LRMDA: variants seen among roughly 807,000 people sequenced by gnomAD.
LRMDA encodes leucine rich melanocyte differentiation associated.
LRMDA carries 18 observed loss-of-function variants against 29.8 expected under a neutral mutation model. The ratio of observed to expected loss-of-function variants is 0.60; its 90% CI spans 0.42 to 0.90. The LOEUF (loss-of-function observed/expected upper bound fraction) is 0.90, where lower values mean the gene tolerates loss of function less well. Ranked by LOEUF, LRMDA falls within the 40% of genes least tolerant of loss-of-function variation. The pLI is 0.00. For missense variants in LRMDA, 273 were observed against 273.9 expected (o/e 1.00, Z 0.02); for synonymous variants, 125 against 109.4 (o/e 1.14, Z -0.89).
At chr10:76,412,906 T>C (rs1489815064) in intron 6 of LRMDA, among the ~76,000 whole-genome samples, 1 of 152,072 alleles carries the variant, frequency 6.6e-6, no homozygotes, top group East Asian at 1.9e-4. Context: ...TGCTCTCCCT[T>C]CCTTCTCCAC....
chr10:75,798,630 C>T (rs778774802), intron 2 of LRMDA, among the ~76,000 whole-genome samples: 10 of 151,980 alleles, frequency 6.6e-5, no homozygotes, highest in South Asian at 4.2e-4. Context: ...CTATAATTTG[C>T]GCTGCATCCA....
At chr10:75,825,338 T>G (rs1177901145) in intron 2 of LRMDA, among the ~76,000 whole-genome samples, 2 of 152,200 alleles carry the variant, frequency 1.3e-5, no homozygotes, top group Non-Finnish European at 2.9e-5. Flanking sequence ...CAAAGCATAT[T>G]ACAGTGAATG....
rs565832983 is a variant in LRMDA, at chr10:76,259,930, A to G, written c.517-64471A>G. Reference sequence around the variant, plus strand: ...CTTTTGGTTTCTCTTTGTGTGGGATATCTTTTTCCATCCCTTCAGTTCAAG... The same window carrying G: ...CTTTTGGTTTCTCTTTGTGTGGGATGTCTTTTTCCATCCCTTCAGTTCAAG... On this transcript the variant is annotated intron_variant, in intron 5 of 6. Transcript: ENST00000611255. Among the ~76,000 whole-genome samples, 9 of 152,100 alleles carry G rather than the reference A, an allele frequency of 5.9e-5. No homozygotes were observed. In the South Asian group the frequency reaches 1.9e-3, roughly 32 times the overall value.
chr10:75,856,917 G>A (rs912723643), intron 2 of LRMDA, among the ~76,000 whole-genome samples: 1 of 152,164 alleles, frequency 6.6e-6, no homozygotes, highest in Non-Finnish European at 1.5e-5. Context: ...TGACATGATT[G>A]TATATTTAGA....
intron 2 of LRMDA, among the ~76,000 whole-genome samples, chr10:75,628,157 A>G (rs1841276631): frequency 6.6e-6 from 1 of 152,208 alleles, no homozygotes; most frequent in African/African-American, 2.4e-5. Flanking sequence ...TTTCTTATGT[A>G]TCTTTCCAAT....
chr10:75,826,804 G>T (rs1361340178), intron 2 of LRMDA, among the ~76,000 whole-genome samples: 1 of 152,086 alleles, frequency 6.6e-6, no homozygotes, highest in Non-Finnish European at 1.5e-5. Flanking sequence ...ATTTTATTCT[G>T]ATGTTTTGTC....
intron 2 of LRMDA, among the ~76,000 whole-genome samples, chr10:75,514,700 T>C (rs1297429315): frequency 6.6e-6 from 1 of 152,186 alleles, no homozygotes; most frequent in East Asian, 1.9e-4. Context: ...TCTTGCCATG[T>C]GTCAGGCCCT....
At chr10:76,221,375 A>C (rs1290096530) in intron 5 of LRMDA, among the ~76,000 whole-genome samples, 1 of 152,254 alleles carries the variant, frequency 6.6e-6, no homozygotes, top group East Asian at 1.9e-4. Flanking sequence ...AGAAAACCCC[A>C]TTGTCTCAGC....
chr10:75,729,181 G>A (rs1842666334), intron 2 of LRMDA, among the ~76,000 whole-genome samples: 1 of 152,220 alleles, frequency 6.6e-6, no homozygotes, highest in African/African-American at 2.4e-5. Context: ...CAGTTAGCAG[G>A]TACTCGGGCA....
intron 5 of LRMDA, among the ~76,000 whole-genome samples, chr10:76,134,902 C>T (rs1850065352): frequency 6.6e-6 from 1 of 152,000 alleles, no homozygotes; most frequent in Admixed American, 6.6e-5. Context: ...CAAAATCATG[C>T]CAGAAAAGAA....
At chr10:75,982,494 A>T (rs2132450733) in intron 2 of LRMDA, among the ~76,000 whole-genome samples, 1 of 152,222 alleles carries the variant, frequency 6.6e-6, no homozygotes, top group East Asian at 1.9e-4. Flanking sequence ...TCCCCCTGTT[A>T]GCTTGAGTGG....
chr10:76,161,994 A>G (rs1179824253), intron 5 of LRMDA, among the ~76,000 whole-genome samples: 1 of 152,238 alleles, frequency 6.6e-6, no homozygotes, highest in African/African-American at 2.4e-5. Context: ...GTCTTTGTTC[A>G]CTGTAACTTT....
intron 2 of LRMDA, among the ~76,000 whole-genome samples, chr10:75,847,044 T>C (rs1844650959): frequency 1.3e-5 from 2 of 152,124 alleles, no homozygotes; most frequent in South Asian, 4.1e-4. Context: ...CCCTGAATAG[T>C]CCAAACAATC....
At chr10:75,857,605 G>A (rs958110088) in intron 2 of LRMDA, among the ~76,000 whole-genome samples, 8 of 152,206 alleles carry the variant, frequency 5.3e-5, no homozygotes, top group Non-Finnish European at 1.0e-4. Context: ...GTAATATAAT[G>A]GTGAAAGTAA....
intron 5 of LRMDA, among the ~76,000 whole-genome samples, chr10:76,078,816 C>A (rs555831635): frequency 5.3e-5 from 8 of 152,222 alleles, no homozygotes; most frequent in African/African-American, 1.9e-4. Flanking sequence ...GCCTGGGCGA[C>A]AGAGCGAGAT....
intron 5 of LRMDA, among the ~76,000 whole-genome samples, chr10:76,089,945 T>C (rs1411240363): frequency 2.0e-5 from 3 of 152,000 alleles, no homozygotes; most frequent in Non-Finnish European, 4.4e-5. Flanking sequence ...CGCCCACGGG[T>C]TGGTTATGAT....
chr10:76,320,519 T>C (rs1307504913), intron 5 of LRMDA, among the ~76,000 whole-genome samples: 1 of 152,196 alleles, frequency 6.6e-6, no homozygotes, highest in Non-Finnish European at 1.5e-5. Context: ...GTTATACAAG[T>C]ACTAGAGAAT....
intron 3 of LRMDA, among the ~76,000 whole-genome samples, chr10:76,046,503 T>A (rs1396098027): frequency 6.6e-6 from 1 of 152,170 alleles, no homozygotes; most frequent in Non-Finnish European, 1.5e-5. Context: ...TTTTGTTTTG[T>A]TTTTTTCTTT....
intron 5 of LRMDA, among the ~76,000 whole-genome samples, chr10:76,234,437 T>C (rs1852114501): frequency 6.6e-6 from 1 of 152,190 alleles, no homozygotes; most frequent in Non-Finnish European, 1.5e-5. Context: ...TAAATGAACA[T>C]TGGCTTCAAC....
Sources: gnomAD v4.1 joint callset for allele counts (sites outside exome capture counted in the v4.1 genomes callset) on GRCh38, gnomAD v4.1.1 for gene constraint, MANE v1.5 for transcripts, NCBI Gene and HGNC (gene_info 2026-07-23, HGNC 2026-07-21) for gene names.